The following MAL2 variants were observed in gnomAD, a reference collection of about 807,000 sequenced individuals.
MAL2 encodes the protein protein MAL2.
Under a neutral mutation model 18.1 loss-of-function variants are expected in MAL2, and 17 were observed. That is an observed-to-expected ratio of 0.94 (90% CI 0.64 to 1.41). The LOEUF (loss-of-function observed/expected upper bound fraction) is 1.41. Among genes scored for constraint, MAL2 ranks in the 40% most tolerant of loss-of-function variants. The pLI, the probability that MAL2 is intolerant of heterozygous loss-of-function variation, is 0.00. For synonymous variants in MAL2, 102 were observed against 102.3 expected, an observed-to-expected ratio of 1.00 and a Z score of 0.02; for missense variants, 222 against 231.9, an observed-to-expected ratio of 0.96 and a Z score of 0.28.
intron 1 of MAL2, among the ~76,000 whole-genome samples, chr8:119,217,388 A>G (rs1817374544): frequency 6.6e-6 from 1 of 152,228 alleles, no homozygotes; most frequent in South Asian, 2.1e-4. Flanking sequence ...TTAAGAAGAT[A>G]AAAGGTGACT....
intron 2 of MAL2, among the ~76,000 whole-genome samples, chr8:119,232,586 TTAG>T (rs1257587825): frequency 3.9e-5 from 6 of 152,142 alleles, no homozygotes; most frequent in Non-Finnish European, 8.8e-5. Context: ...AGTATATATG[TTAG>T]TAGTTTTTAA....
Position 119,240,146 on chromosome 8 carries a change from C to CT in MAL2, c.304-15dup. On this transcript the variant is annotated intron_variant, in intron 2 of 3. Transcript: ENST00000614891. Reference sequence around the variant, plus strand: ...AATATTTTTTTTTAATTGCAGATGTCTTTTCTCTCCTCTTTTAGGATTTTG... The same window carrying CT: ...AATATTTTTTTTTAATTGCAGATGTCTTTTTCTCTCCTCTTTTAGGATTTTG... 2 of 1,607,832 alleles carry CT rather than the reference C, an allele frequency of 1.2e-6. No individual in the cohort carries two copies. Among genetic ancestry groups the CT allele is most frequent in the Non-Finnish European group, 1.7e-6 (2 of 1,176,718 alleles).
Position 119,243,566 on chromosome 8 carries a change from G to T in MAL2, c.*78G>T, listed in dbSNP as rs1393729900. 11 of 1,297,714 alleles carry T rather than the reference G, an allele frequency of 8.5e-6. No homozygotes were observed. In the East Asian group the frequency reaches 2.9e-4, roughly 35 times the overall value. 80.4% of individuals were successfully genotyped at this position (1,297,714 alleles called of 1,614,324 possible). Reference sequence around the variant, plus strand: ...GTCTGATCAATTTGGATACCATTTTGTCCAGATGCAAAAACATTCCAAAAG... The same window carrying T: ...GTCTGATCAATTTGGATACCATTTTTTCCAGATGCAAAAACATTCCAAAAG... On this transcript the variant is annotated 3_prime_UTR_variant, in exon 4 of 4. Coordinates refer to ENST00000614891, the MANE Select transcript of MAL2 (RefSeq NM_052886.3).
At chr8:119,239,863 A>T (rs1209063684) in intron 2 of MAL2, among the ~76,000 whole-genome samples, 1 of 150,324 alleles carries the variant, frequency 6.7e-6, no homozygotes. Context: ...ATATGTAACT[A>T]ACCTGCACAT....
At chr8:119,230,974 C>A (rs1478275645) in intron 2 of MAL2, among the ~76,000 whole-genome samples, 1 of 152,048 alleles carries the variant, frequency 6.6e-6, no homozygotes, top group South Asian at 2.1e-4. Flanking sequence ...AGTTCTTACC[C>A]ATGGTTAGTT....
At chr8:119,237,474 A>T (rs1377884680) in intron 2 of MAL2, among the ~76,000 whole-genome samples, 23 of 151,626 alleles carry the variant, frequency 1.5e-4, no homozygotes, top group Admixed American at 1.5e-3. Context: ...AGCCGGGCAG[A>T]GAGACAACCA....
At chr8:119,233,633 T>C (rs1413406602) in intron 2 of MAL2, among the ~76,000 whole-genome samples, 1 of 152,136 alleles carries the variant, frequency 6.6e-6, no homozygotes, top group African/African-American at 2.4e-5. Flanking sequence ...CAGGAATAAG[T>C]TGAATCTCTG....
At chr8:119,231,466 A>C (rs75500545) in intron 2 of MAL2, among the ~76,000 whole-genome samples, 9,447 of 152,334 alleles carry the variant, frequency 0.062, 420 homozygotes, top group Non-Finnish European at 0.092. Context: ...AAGAACGTAG[A>C]CTTCAAAGGG....
chr8:119,211,281 G>A (rs1168990885), intron 1 of MAL2, among the ~76,000 whole-genome samples: 1 of 152,126 alleles, frequency 6.6e-6, no homozygotes, highest in Non-Finnish European at 1.5e-5. Flanking sequence ...CTCCATTCTG[G>A]GGACCCATTA....
chr8:119,224,139 A>G (rs750438635), intron 2 of MAL2: 1 of 152,228 alleles, frequency 6.6e-6, no homozygotes, highest in African/African-American at 2.4e-5. Context: ...TAAGAAAATT[A>G]CATTCATGAT....
intron 2 of MAL2, among the ~76,000 whole-genome samples, chr8:119,226,783 C>T (rs181568240): frequency 2.0e-5 from 3 of 152,306 alleles, no homozygotes; most frequent in Admixed American, 1.3e-4. Context: ...TATCAGGTTC[C>T]ACCCTGACCT....
At chr8:119,220,791 G>C (rs775458322) in intron 1 of MAL2, among the ~76,000 whole-genome samples, 6 of 152,158 alleles carry the variant, frequency 3.9e-5, no homozygotes, top group Non-Finnish European at 7.3e-5. Flanking sequence ...TGGATTTATA[G>C]CCCTTGCTGT....
At chr8:119,232,449 AAC>A (rs1274476809) in intron 2 of MAL2, among the ~76,000 whole-genome samples, 1 of 152,186 alleles carries the variant, frequency 6.6e-6, no homozygotes, top group East Asian at 1.9e-4. Flanking sequence ...ATTAAAAATA[AAC>A]AGTGATGTGT....
Position 119,221,649 on chromosome 8 carries a change from A to G in MAL2, c.195A>G (p.Gln65=), listed in dbSNP as rs1817466434. 1.9e-6 allele frequency: 3 copies of G among 1,613,782 alleles called. No homozygotes were observed. The highest frequency in any genetic ancestry group is 2.5e-6 in the Non-Finnish European group (3 of 1,179,854). ...ASSNVPLPLL[Q]GWVMFVSVTA... ...CCAATGTTCCTCTACCTCTACTACAAGGATGGGTCATGTTTGTGTCCGTGA... is the reference window on the plus strand; with the variant it reads ...CCAATGTTCCTCTACCTCTACTACAGGGATGGGTCATGTTTGTGTCCGTGA... The change falls in exon 2 of 4, where the codon CAA becomes CAG. Residue 65 remains glutamine, a synonymous_variant. Coordinates refer to ENST00000614891, the MANE Select transcript of MAL2 (RefSeq NM_052886.3).
intron 1 of MAL2, among the ~76,000 whole-genome samples, chr8:119,216,937 A>G (rs896294438): frequency 6.6e-6 from 1 of 152,188 alleles, no homozygotes; most frequent in African/African-American, 2.4e-5. Context: ...GGTAATTAGG[A>G]AATAAGTGAC....
chr8:119,240,957 ATAT>A (rs2129924148), intron 3 of MAL2, among the ~76,000 whole-genome samples: 1 of 152,126 alleles, frequency 6.6e-6, no homozygotes, highest in Admixed American at 6.5e-5. Context: ...AGGAAATAAT[ATAT>A]TATTTTTGTT....
Position 119,221,681 on chromosome 8 carries a change from T to G in MAL2, c.227T>G (p.Phe76Cys). 1 of 1,613,918 alleles carries G rather than the reference T, an allele frequency of 6.2e-7. No individual in the cohort carries two copies. The highest frequency in any genetic ancestry group is 8.5e-7 in the Non-Finnish European group (1 of 1,179,836). Reference protein sequence around the residue: ...GWVMFVSVTAFFFSLLFLGMF... With the variant: ...GWVMFVSVTACFFSLLFLGMF... ...GTCATGTTTGTGTCCGTGACAGCGT[T>G]TTTCTTTTCGCTCCTCTTTCTGGGC... Residue 76 changes from phenylalanine to cysteine, a missense_variant, in exon 2 of 4, where the codon TTT becomes TGT. Transcript: ENST00000614891.
chr8:119,219,258 G>A (rs1468558048), intron 1 of MAL2, among the ~76,000 whole-genome samples: 2 of 152,106 alleles, frequency 1.3e-5, no homozygotes, highest in Non-Finnish European at 2.9e-5. Flanking sequence ...GATTATCATT[G>A]ATCAAGTGAT....
intron 2 of MAL2, among the ~76,000 whole-genome samples, chr8:119,234,198 G>T (rs556156098): frequency 1.1e-4 from 17 of 152,262 alleles, no homozygotes; most frequent in East Asian, 7.7e-4. Flanking sequence ...AAGGGGTGAC[G>T]GACGCACCGG....
Sources: gnomAD v4.1 joint callset for allele counts (sites outside exome capture counted in the v4.1 genomes callset) on GRCh38, gnomAD v4.1.1 for gene constraint, MANE v1.5 for transcripts, NCBI Gene and HGNC (gene_info 2026-07-23, HGNC 2026-07-21) for gene names.